TEX2: variants seen among roughly 807,000 people sequenced by gnomAD.
TEX2 encodes the protein testis expressed 2.
Under a neutral mutation model 106.9 loss-of-function variants are expected in TEX2, and 53 were observed. The ratio of observed to expected loss-of-function variants is 0.50; its 90% CI spans 0.40 to 0.62. The LOEUF (loss-of-function observed/expected upper bound fraction) is 0.62. Ranked by LOEUF, TEX2 falls within the 20% of genes least tolerant of loss-of-function variation. The pLI is 0.00. For missense variants in TEX2, 1,207 were observed against 1,379.0 expected (o/e 0.88, Z 1.98); for synonymous variants, 523 against 534.8 (o/e 0.98, Z 0.30).
At chr17:64,247,863 C>A (rs1555636462) in intron 1 of TEX2, among the ~76,000 whole-genome samples, 1 of 152,138 alleles carries the variant, frequency 6.6e-6, no homozygotes, top group East Asian at 1.9e-4. Flanking sequence ...TTCAAGGAGA[C>A]ACAGATATTT....
intron 6 of TEX2, 39 bp downstream of exon 6, chr17:64,177,286 G>T (rs2031652935): frequency 1.2e-6 from 2 of 1,610,398 alleles, no homozygotes; most frequent in Non-Finnish European, 1.7e-6. Flanking sequence ...AAATGAAGAA[G>T]TATAGAGGAT....
Position 64,177,436 on chromosome 17 carries a change from C to T in TEX2, c.2460G>A (p.Gln820=). ...CAAGCAAGGCATTCACCCAGGCTTCCTGTTCTTCCTCCTCAGAGGGTGGAA... is the reference window on the plus strand; with the variant it reads ...CAAGCAAGGCATTCACCCAGGCTTCTTGTTCTTCCTCCTCAGAGGGTGGAA... ...PEVPPSEEEE[Q]EAWVNALLGR... The change falls in exon 6 of 12, where the codon CAG becomes CAA. Residue 820 remains glutamine, a synonymous_variant. Coordinates refer to ENST00000584379, the MANE Select transcript of TEX2 (RefSeq NM_001288732.2). 1 of 1,614,164 alleles carries T rather than the reference C, an allele frequency of 6.2e-7. No homozygotes were observed. The highest frequency in any genetic ancestry group is 8.5e-7 in the Non-Finnish European group (1 of 1,180,030).
At chr17:64,208,457 C>T (rs1326729838) in intron 2 of TEX2, among the ~76,000 whole-genome samples, 1 of 151,968 alleles carries the variant, frequency 6.6e-6, no homozygotes, top group Non-Finnish European at 1.5e-5. Flanking sequence ...CCAGGCTGGT[C>T]TTGAACTCCT....
chr17:64,210,522 C>T (rs2032965823), intron 2 of TEX2, among the ~76,000 whole-genome samples: 1 of 151,624 alleles, frequency 6.6e-6, no homozygotes, highest in Non-Finnish European at 1.5e-5. Flanking sequence ...CTTTGGGTTT[C>T]CTGTGTTTTT....
chr17:64,214,342 G>T, intron 1 of TEX2, 100 bp from the exon 2 acceptor site: 1 of 1,001,230 alleles, frequency 1.0e-6, no homozygotes. Flanking sequence ...TTTAAGTGGT[G>T]ATTATGCTTT....
chr17:64,169,070 G>A lies in TEX2; in HGVS notation c.2671+2030C>T, dbSNP rs150533540. ...TTTCTTTTTTTTAAGACAGAGTCTC[G>A]CTCTGTCGCCCAGGCTGGAGTGCAG... is the stretch of plus-strand genomic sequence containing the variant. On this transcript the variant is annotated intron_variant, in intron 7 of 11. Transcript: ENST00000584379. Among the ~76,000 whole-genome samples, 449 of 151,796 alleles carry A rather than the reference G, an allele frequency of 3.0e-3. 2 individuals are homozygous for A. The highest frequency in any genetic ancestry group is 9.9e-3 in the African/African-American group (409 of 41,384).
At chr17:64,174,164 G>A (rs1406307160) in intron 6 of TEX2, among the ~76,000 whole-genome samples, 1 of 152,156 alleles carries the variant, frequency 6.6e-6, no homozygotes, top group Non-Finnish European at 1.5e-5. Flanking sequence ...TGTTTCTATG[G>A]GAATGTCAGT....
At chr17:64,248,966 C>T (rs1362470188) in intron 1 of TEX2, among the ~76,000 whole-genome samples, 2 of 150,782 alleles carry the variant, frequency 1.3e-5, no homozygotes, top group Non-Finnish European at 2.9e-5. Context: ...ACCCAGGAGG[C>T]GGAGGTTGCA....
intron 7 of TEX2, among the ~76,000 whole-genome samples, chr17:64,165,282 G>T (rs2031074462): frequency 6.6e-6 from 1 of 152,150 alleles, no homozygotes. Context: ...CTTGTGTGTG[G>T]ATGTGTCTTT....
At chr17:64,224,405 T>C (rs1451347255) in intron 1 of TEX2, among the ~76,000 whole-genome samples, 2 of 152,224 alleles carry the variant, frequency 1.3e-5, no homozygotes, top group Non-Finnish European at 2.9e-5. Flanking sequence ...TTGATTCATT[T>C]AAATTCAATG....
chr17:64,214,305 T>G (rs1379849821), intron 1 of TEX2, 63 bp from the exon 2 acceptor site: 75 of 1,385,454 alleles, frequency 5.4e-5, no homozygotes, highest in Non-Finnish European at 6.8e-5. Context: ...ACGCTGTCAT[T>G]CGCAGATAGG....
chr17:64,200,641 T>C (rs2032629993), intron 2 of TEX2, among the ~76,000 whole-genome samples: 1 of 152,212 alleles, frequency 6.6e-6, no homozygotes, highest in Non-Finnish European at 1.5e-5. Flanking sequence ...TTCAGAAGAA[T>C]GTGAAAGAGA....
At chr17:64,248,332 TA>T (rs1449652994) in intron 1 of TEX2, among the ~76,000 whole-genome samples, 1 of 152,202 alleles carries the variant, frequency 6.6e-6, no homozygotes, top group African/African-American at 2.4e-5. Context: ...TAATGCTACT[TA>T]AAGAGTTAAA....
chr17:64,164,196 G>C (rs1285039623), intron 7 of TEX2, among the ~76,000 whole-genome samples: 1 of 152,158 alleles, frequency 6.6e-6, no homozygotes, highest in Non-Finnish European at 1.5e-5. Flanking sequence ...CCAGCACTTT[G>C]GGAGGCTGAG....
intron 2 of TEX2, among the ~76,000 whole-genome samples, chr17:64,211,484 G>A (rs2143049575): frequency 6.6e-6 from 1 of 151,952 alleles, no homozygotes; most frequent in East Asian, 1.9e-4. Flanking sequence ...ATCAACCTTG[G>A]ATTGAAAATA....
chr17:64,206,988 G>A (rs2032855842), intron 2 of TEX2, among the ~76,000 whole-genome samples: 1 of 152,198 alleles, frequency 6.6e-6, no homozygotes, highest in African/African-American at 2.4e-5. Flanking sequence ...CTACTTGGCT[G>A]CAAATTGGTC....
intron 1 of TEX2, among the ~76,000 whole-genome samples, chr17:64,245,922 T>C (rs1317069507): frequency 6.6e-6 from 1 of 152,258 alleles, no homozygotes; most frequent in Admixed American, 6.5e-5. Context: ...GTAGGTTTTC[T>C]GTAATTACCA....
Position 64,148,846 on chromosome 17 carries a change from A to G in TEX2, c.*123T>C, listed in dbSNP as rs1424268002. 4 of 1,258,574 alleles carry G rather than the reference A, an allele frequency of 3.2e-6. No homozygotes were observed. The East Asian group carries it at 9.7e-5, about 31-fold the overall frequency. 78.0% of individuals were successfully genotyped at this position (1,258,574 alleles called of 1,614,324 possible). ...GAATGGGCACTGGCAGGCAGAGGGC[A>G]GAAGCAGTCCTTTAAGAAACAGTAG... On this transcript the variant is annotated 3_prime_UTR_variant, in exon 12 of 12. Coordinates refer to ENST00000584379, the MANE Select transcript of TEX2 (RefSeq NM_001288732.2).
chr17:64,201,835 CAACCACAACTGT>C (rs1555630121), intron 2 of TEX2, among the ~76,000 whole-genome samples: 1 of 152,162 alleles, frequency 6.6e-6, no homozygotes, highest in African/African-American at 2.4e-5. Flanking sequence ...TCATGTCTGC[CAACCACAACTGT>C]AACAAATGTT....
Sources: gnomAD v4.1 joint callset for allele counts (sites outside exome capture counted in the v4.1 genomes callset) on GRCh38, gnomAD v4.1.1 for gene constraint, MANE v1.5 for transcripts, NCBI Gene and HGNC (gene_info 2026-07-23, HGNC 2026-07-21) for gene names.